The following KAT7 variants were observed in gnomAD, a reference collection of about 807,000 sequenced individuals.
KAT7 encodes lysine acetyltransferase 7, also known as histone acetyltransferase KAT7.
A neutral mutation model predicts 82.1 loss-of-function variants in KAT7; 10 were observed. The ratio of observed to expected loss-of-function variants is 0.12; its 90% CI spans 0.08 to 0.21. KAT7 has a LOEUF of 0.21. Ranked by LOEUF, KAT7 falls within the 10% of genes least tolerant of loss-of-function variation. The pLI is 1.00. For missense variants in KAT7, 378 were observed against 760.9 expected (o/e 0.50, Z 5.92); for synonymous variants, 250 against 262.5 (o/e 0.95, Z 0.46).
Position 49,826,004 on chromosome 17 carries a change from T to G in KAT7, c.1485T>G (p.Tyr495Ter). The G allele has an allele frequency of 6.2e-7, 1 of 1,609,720 alleles. No homozygotes were observed. The highest frequency in any genetic ancestry group is 8.5e-7 in the Non-Finnish European group (1 of 1,176,830). ...GYGKMLIDFS[Y>*]LLSKVEEKVG... ...TCTGTATTTGTTCCCTGGCAGGTTA[T>G]TTGCTTTCCAAAGTCGAAGAAAAAG... Residue 495 changes from tyrosine (Y) to a stop codon, truncating the protein, a stop_gained, in exon 13 of 15, where the codon TAT (tyrosine) becomes TAG (stop). Transcript: ENST00000259021. LOFTEE classifies it high-confidence loss of function.
intron 5 of KAT7, among the ~76,000 whole-genome samples, chr17:49,806,784 T>A (rs1361647350): frequency 6.6e-6 from 1 of 152,214 alleles, no homozygotes; most frequent in East Asian, 1.9e-4. Context: ...GTGAAGAAAA[T>A]TCTGACCAAA....
At chr17:49,811,869 A>G (rs926339550) in intron 7 of KAT7, among the ~76,000 whole-genome samples, 4 of 152,248 alleles carry the variant, frequency 2.6e-5, no homozygotes, top group African/African-American at 7.2e-5. Context: ...TTTACCCGCT[A>G]GAACACATGC....
intron 2 of KAT7, among the ~76,000 whole-genome samples, chr17:49,793,275 T>G (rs747065536): frequency 1.5e-4 from 23 of 152,238 alleles, no homozygotes; most frequent in Non-Finnish European, 3.1e-4. Context: ...CAATAAACAC[T>G]TGATAGATAT....
In KAT7 at chr17:49,803,752, C is replaced by T. The variant is rs530960966; in HGVS notation, c.581-1611C>T. 1.6e-4 allele frequency among the ~76,000 whole-genome samples: 24 copies of T among 152,064 alleles called. 1 individual carries two copies. The highest frequency in any genetic ancestry group is 5.6e-4 in the African/African-American group (23 of 41,422). ...AATTGCATTTTTAATAATACAGTCCCGGAGAAATGATGGCCTGAATGTCCT... is the reference window on the plus strand; with the variant it reads ...AATTGCATTTTTAATAATACAGTCCTGGAGAAATGATGGCCTGAATGTCCT... On this transcript the variant is annotated intron_variant, in intron 4 of 14. Transcript: ENST00000259021.
At chr17:49,825,843 G>A (rs747600627) in intron 12 of KAT7, among the ~76,000 whole-genome samples, 157 bp from the exon 13 acceptor site, 6 of 152,318 alleles carry the variant, frequency 3.9e-5, no homozygotes, top group Admixed American at 6.5e-5. Context: ...TACAAAGGCA[G>A]TATACTATAG....
chr17:49,807,999 A>G (rs2074112891), intron 5 of KAT7, among the ~76,000 whole-genome samples: 1 of 152,100 alleles, frequency 6.6e-6, no homozygotes, highest in Admixed American at 6.6e-5. Flanking sequence ...TGGAATAAGC[A>G]GTTGGATATC....
intron 3 of KAT7, 140 bp downstream of exon 3, chr17:49,797,066 CTTT>C (rs374837770): frequency 3.8e-3 from 1,917 of 506,504 alleles, no homozygotes; most frequent in South Asian, 6.8e-3. Context: ...TTTCTTATGT[CTTT>C]TTTTTTTTTT....
chr17:49,797,023 C>G (rs1422287043), intron 3 of KAT7, 97 bp downstream of exon 3: 1 of 906,726 alleles, frequency 1.1e-6, no homozygotes, highest in Non-Finnish European at 1.7e-6. Flanking sequence ...ATGCCTAATA[C>G]TTCAGCTAGA....
Position 49,830,850 on chromosome 17 carries a change from T to A in KAT7, c.*3348T>A, listed in dbSNP as rs1256804751. On this transcript the variant is annotated 3_prime_UTR_variant, in exon 15 of 15. Coordinates refer to ENST00000259021, the MANE Select transcript of KAT7 (RefSeq NM_007067.5). ...AATCATCCTCTCCCTTCTAGTTGGA[T>A]TTGTTTCTAATGGCTTCCATTACAA... The A allele has an allele frequency of 2.0e-5, 3 of 152,232 alleles. No homozygotes were observed. The highest frequency in any genetic ancestry group is 4.4e-5 in the Non-Finnish European group (3 of 68,034). The allele number at this position is 152,232 out of a possible 1,614,324, so 9.4% of individuals were successfully genotyped here. A position where few individuals can be genotyped will look rare whatever the true frequency, so the allele number is the denominator to read the frequency against.
intron 6 of KAT7, 39 bp downstream of exon 6, chr17:49,809,247 A>T (rs757244076): frequency 6.6e-7 from 1 of 1,506,632 alleles, no homozygotes; most frequent in Non-Finnish European, 9.2e-7. Context: ...TCATAGTTTG[A>T]GGTCCGTTTC....
intron 13 of KAT7, chr17:49,826,406 C>G (rs1345035190): frequency 4.0e-6 from 2 of 495,548 alleles, no homozygotes; most frequent in South Asian, 6.0e-5. Flanking sequence ...GTTCATCTTT[C>G]TGAGAAAGAC....
chr17:49,796,864 C>G lies in KAT7; in HGVS notation c.278C>G (p.Pro93Arg), dbSNP rs1457185352. 1.9e-6 allele frequency: 3 copies of G among 1,614,176 alleles called. No individual in the cohort carries two copies. In the East Asian group the frequency reaches 6.7e-5, roughly 36 times the overall value. ...ACCCCAGTGACACCGAAAAAATACC[C>G]TCTTCGGCAGACTCGTTCATCTGGT... ...QPTPVTPKKY[P>R]LRQTRSSGSE... The change falls in exon 3 of 15, where the codon CCT becomes CGT. Residue 93 changes from proline to arginine, a missense_variant. Pro to Arg is a moderately radical substitution (Grantham distance 103). Coordinates refer to ENST00000259021, the MANE Select transcript of KAT7 (RefSeq NM_007067.5).
chr17:49,822,046 G>A (rs1300628218), intron 11 of KAT7, among the ~76,000 whole-genome samples: 1 of 152,040 alleles, frequency 6.6e-6, no homozygotes, highest in Non-Finnish European at 1.5e-5. Context: ...ACTGGCCAGA[G>A]CCCTCCCTAG....
At chr17:49,813,328 A>G (rs952626775) in intron 7 of KAT7, among the ~76,000 whole-genome samples, 1 of 152,124 alleles carries the variant, frequency 6.6e-6, no homozygotes, top group Non-Finnish European at 1.5e-5. Flanking sequence ...CTCCAGTTGC[A>G]TCCATGTCGC....
chr17:49,793,907 A>G (rs575574836), intron 2 of KAT7, among the ~76,000 whole-genome samples: 2 of 152,264 alleles, frequency 1.3e-5, no homozygotes, highest in African/African-American at 4.8e-5. Context: ...TTGCACAATG[A>G]GAGAAAAACC....
chr17:49,834,493 A>G lies in KAT7; in HGVS notation c.*6991A>G, dbSNP rs1041176228. 6.6e-6 allele frequency: 1 copy of G among 152,246 alleles called. No homozygotes were observed. The highest frequency in any genetic ancestry group is 1.5e-5 in the Non-Finnish European group (1 of 68,054). The allele number at this position is 152,246 out of a possible 1,614,324, so 9.4% of individuals were successfully genotyped here. The stretch of plus-strand genomic sequence containing the variant: ...TCATCACCTGCCTGCTCCAGAATTC[A>G]TGTGGCTTCTCATTGCTCAATGGAT... On this transcript the variant is annotated 3_prime_UTR_variant, in exon 15 of 15. Transcript: ENST00000259021.
chr17:49,813,735 G>A (rs944980045), intron 7 of KAT7, among the ~76,000 whole-genome samples: 1 of 152,190 alleles, frequency 6.6e-6, no homozygotes, highest in Non-Finnish European at 1.5e-5. Context: ...ACTGCTGGAT[G>A]TGCCCAGGTT....
intron 4 of KAT7, among the ~76,000 whole-genome samples, chr17:49,804,270 T>A (rs1047216591): frequency 6.6e-6 from 1 of 151,704 alleles, no homozygotes; most frequent in Non-Finnish European, 1.5e-5. Context: ...TCCCAGCTAC[T>A]CAGGAGGCTG....
intron 3 of KAT7, among the ~76,000 whole-genome samples, chr17:49,798,075 G>A (rs1456546946): frequency 1.3e-5 from 2 of 152,180 alleles, no homozygotes; most frequent in Non-Finnish European, 2.9e-5. Flanking sequence ...TAGCAACTCA[G>A]GAGAAATACA....
Sources: allele counts gnomAD v4.1 joint callset (sites outside exome capture counted in the v4.1 genomes callset), GRCh38; gene constraint gnomAD v4.1.1; transcripts MANE v1.5; gene names NCBI Gene and HGNC (gene_info 2026-07-23, HGNC 2026-07-21).